The following CSMD1 variants were observed in gnomAD, a reference collection of about 807,000 sequenced individuals.
CSMD1 encodes CUB and Sushi multiple domains 1, also known as CUB and sushi domain-containing protein 1.
CSMD1 carries 213 observed loss-of-function variants against 417.5 expected under a neutral mutation model. The observed-to-expected ratio is 0.51, with a 90% confidence interval of 0.46 to 0.57. CSMD1 has a LOEUF of 0.57. Among genes scored for constraint, CSMD1 ranks in the 20% least tolerant of loss-of-function variants. The pLI is 0.00. For missense variants in CSMD1, 6,923 were observed against 4,529.7 expected, an observed-to-expected ratio of 1.53 and a Z score of -15.17; for synonymous variants, 2,862 against 1,736.8, an observed-to-expected ratio of 1.65 and a Z score of -16.11.
intron 5 of CSMD1, among the ~76,000 whole-genome samples, chr8:3,778,957 C>G (rs888334182): frequency 6.6e-6 from 1 of 152,136 alleles, no homozygotes; most frequent in African/African-American, 2.4e-5. Flanking sequence ...GACAATCAGC[C>G]TTGGCTTGTG....
chr8:4,297,012 G>C (rs1036459108), intron 3 of CSMD1, among the ~76,000 whole-genome samples: 1 of 152,136 alleles, frequency 6.6e-6, no homozygotes, highest in African/African-American at 2.4e-5. Context: ...GGAATAGGAA[G>C]TGCTGGGAAA....
Position 4,456,547 on chromosome 8 carries a change from C to G in CSMD1, c.303-36482G>C, listed in dbSNP as rs73660861. On this transcript the variant is annotated intron_variant, in intron 2 of 69. Coordinates refer to ENST00000635120, the MANE Select transcript of CSMD1 (RefSeq NM_033225.6). Reference sequence around the variant, plus strand: ...TGTTGGCACTTCAGTAGTGACACCACTTTGGGTAGAACTGAAAACAGCCCT... The same window carrying G: ...TGTTGGCACTTCAGTAGTGACACCAGTTTGGGTAGAACTGAAAACAGCCCT... Among the ~76,000 whole-genome samples, 488 of 152,282 alleles carry G rather than the reference C, an allele frequency of 3.2e-3. 3 individuals carry two copies. The highest frequency in any genetic ancestry group is 0.011 in the African/African-American group (465 of 41,568).
At chr8:4,857,064 A>G (rs1585220462) in intron 1 of CSMD1, among the ~76,000 whole-genome samples, 1 of 148,720 alleles carries the variant, frequency 6.7e-6, no homozygotes, top group African/African-American at 2.5e-5. Flanking sequence ...ATAACAAACT[A>G]TCTCTCAGAC....
At chr8:4,333,510 TC>T (rs1238568076) in intron 3 of CSMD1, among the ~76,000 whole-genome samples, 1 of 152,196 alleles carries the variant, frequency 6.6e-6, no homozygotes, top group Non-Finnish European at 1.5e-5. Context: ...AGCACTACTC[TC>T]ATTTCATAAA....
intron 3 of CSMD1, among the ~76,000 whole-genome samples, chr8:4,050,139 C>T (rs1172234314): frequency 6.6e-6 from 1 of 152,116 alleles, no homozygotes; most frequent in Non-Finnish European, 1.5e-5. Flanking sequence ...CACTTCTCGT[C>T]GCAGCATGCC....
intron 1 of CSMD1, among the ~76,000 whole-genome samples, chr8:4,870,714 C>T (rs189363419): frequency 1.3e-5 from 2 of 152,244 alleles, no homozygotes; most frequent in Admixed American, 1.3e-4. Flanking sequence ...ACAAAGCCAG[C>T]CTTTGCCTTC....
At chr8:4,925,904 A>G (rs1408324570) in intron 1 of CSMD1, among the ~76,000 whole-genome samples, 3 of 152,166 alleles carry the variant, frequency 2.0e-5, no homozygotes, top group African/African-American at 4.8e-5. Context: ...TATGCAAAAC[A>G]TATCTTTTAT....
chr8:4,470,292 C>A (rs1005596001), intron 2 of CSMD1, among the ~76,000 whole-genome samples: 1 of 152,190 alleles, frequency 6.6e-6, no homozygotes, highest in Non-Finnish European at 1.5e-5. Context: ...TCCCTCCTCT[C>A]CTTCAACCTT....
At chr8:3,601,056 T>C (rs759048174) in intron 8 of CSMD1, among the ~76,000 whole-genome samples, 1 of 152,172 alleles carries the variant, frequency 6.6e-6, no homozygotes, top group African/African-American at 2.4e-5. Context: ...CCGCATGATA[T>C]CGTGGCAGCA....
chr8:3,070,979 G>C (rs996138758), intron 49 of CSMD1, among the ~76,000 whole-genome samples: 1 of 152,216 alleles, frequency 6.6e-6, no homozygotes, highest in Non-Finnish European at 1.5e-5. Context: ...TCAGCTCCTG[G>C]GGAGACCTGA....
chr8:3,830,362 G>A (rs561550488), intron 5 of CSMD1, among the ~76,000 whole-genome samples: 6 of 152,316 alleles, frequency 3.9e-5, no homozygotes, highest in South Asian at 4.1e-4. Flanking sequence ...CTGCTCAGAG[G>A]TTGCTTTCCC....
intron 5 of CSMD1, among the ~76,000 whole-genome samples, chr8:3,942,127 T>C (rs907414863): frequency 6.6e-6 from 1 of 151,986 alleles, no homozygotes; most frequent in Non-Finnish European, 1.5e-5. Context: ...CACGCTGAGA[T>C]GGGATCGTCA....
chr8:4,007,534 T>G (rs1221573839), intron 4 of CSMD1, among the ~76,000 whole-genome samples: 1 of 152,150 alleles, frequency 6.6e-6, no homozygotes, highest in East Asian at 1.9e-4. Flanking sequence ...TCACCTAGAT[T>G]GCTTCCCACC....
intron 4 of CSMD1, among the ~76,000 whole-genome samples, chr8:4,008,403 T>C (rs1471622775): frequency 6.6e-6 from 1 of 151,640 alleles, no homozygotes; most frequent in Non-Finnish European, 1.5e-5. Flanking sequence ...GACACTAATA[T>C]GTATTATATA....
At chr8:4,536,072 C>T (rs964390641) in intron 2 of CSMD1, among the ~76,000 whole-genome samples, 4 of 152,118 alleles carry the variant, frequency 2.6e-5, no homozygotes, top group African/African-American at 7.2e-5. Context: ...TTTCATAGGG[C>T]GTGCCCCACT....
At chr8:4,168,238 C>A (rs570667458) in intron 3 of CSMD1, among the ~76,000 whole-genome samples, 10 of 150,664 alleles carry the variant, frequency 6.6e-5, no homozygotes, top group East Asian at 3.9e-4. Context: ...CAAACACACA[C>A]AAAAAAATTA....
intron 3 of CSMD1, among the ~76,000 whole-genome samples, chr8:4,119,835 G>C (rs142294072): frequency 2.6e-5 from 4 of 152,200 alleles, no homozygotes; most frequent in East Asian, 3.8e-4. Context: ...ACTCCTACAC[G>C]TTTGTGTATG....
intron 54 of CSMD1, among the ~76,000 whole-genome samples, chr8:2,988,491 C>G (rs1279043774): frequency 2.6e-5 from 4 of 152,130 alleles, no homozygotes; most frequent in Non-Finnish European, 5.9e-5. Context: ...TGGCTCAACT[C>G]TTAGGCATAG....
chr8:3,178,832 T>A (rs1243229210), intron 37 of CSMD1, among the ~76,000 whole-genome samples: 1 of 152,164 alleles, frequency 6.6e-6, no homozygotes, highest in African/African-American at 2.4e-5. Flanking sequence ...CAAAAATATG[T>A]CAACAAATTT....
Sources: allele counts gnomAD v4.1 joint callset (sites outside exome capture counted in the v4.1 genomes callset), GRCh38; gene constraint gnomAD v4.1.1; transcripts MANE v1.5; gene names NCBI Gene and HGNC (gene_info 2026-07-23, HGNC 2026-07-21).